The following ZNF729 variants were observed in gnomAD, a reference collection of about 807,000 sequenced individuals.
ZNF729 encodes zinc finger protein 729.
In ZNF729, 15 loss-of-function variants were observed where a neutral mutation model predicts 12.2. That is an observed-to-expected ratio of 1.23 (90% CI 0.82 to 1.89). The LOEUF (loss-of-function observed/expected upper bound fraction) is 1.89, where lower values mean the gene tolerates loss of function less well. Ranked by LOEUF, ZNF729 falls within the 40% of genes most tolerant of loss-of-function variation. ZNF729 has a pLI of 0.00. For missense variants in ZNF729, 1,540 were observed against 1,456.7 expected (o/e 1.06, Z -0.93); for synonymous variants, 492 against 476.3 (o/e 1.03, Z -0.43).
chr19:22,315,815 G>A lies in ZNF729; in HGVS notation c.2398G>A (p.Glu800Lys). 1 of 1,610,868 alleles carries A rather than the reference G, an allele frequency of 6.2e-7. No homozygotes were observed. The highest frequency in any genetic ancestry group is 1.1e-5 in the South Asian group (1 of 91,056). The change falls in exon 4 of 4, where the codon GAA becomes AAA. Residue 800 changes from glutamate (E) to lysine (K), a missense_variant. Transcript: ENST00000601693. ...HTGEKPYKCE[E>K]CGKAFKWSSK... ...TGGAGAGAAACCCTACAAGTGTGAA[G>A]AATGTGGTAAAGCTTTTAAGTGGTC...
chr19:22,293,821 GT>G (rs1968188487), intron 1 of ZNF729, among the ~76,000 whole-genome samples: 1 of 152,076 alleles, frequency 6.6e-6, no homozygotes, highest in Admixed American at 6.6e-5. Context: ...TAAGGAGGTC[GT>G]TTGTTTGTTT....
chr19:22,311,257 T>A (rs1160891525), intron 3 of ZNF729, among the ~76,000 whole-genome samples: 1 of 152,258 alleles, frequency 6.6e-6, no homozygotes, highest in East Asian at 1.9e-4. Flanking sequence ...TTTTTTCTTG[T>A]TTCTCTAGTT....
At chr19:22,292,332 C>T (rs1050881446) in intron 1 of ZNF729, among the ~76,000 whole-genome samples, 54 of 152,186 alleles carry the variant, frequency 3.5e-4, no homozygotes, top group African/African-American at 1.2e-3. Context: ...GGATAATGGT[C>T]TCCAGCTCCA....
At chr19:22,298,524 C>CT (rs1483021907) in intron 1 of ZNF729, among the ~76,000 whole-genome samples, 2 of 151,588 alleles carry the variant, frequency 1.3e-5, no homozygotes, top group African/African-American at 4.9e-5. Context: ...ACAGTGTCTT[C>CT]TTTTTTGAGA....
intron 3 of ZNF729, among the ~76,000 whole-genome samples, chr19:22,305,932 T>A (rs1378811620): frequency 6.6e-6 from 1 of 152,064 alleles, no homozygotes; most frequent in Non-Finnish European, 1.5e-5. Context: ...ACCTCTTAAG[T>A]AGCTGGATTA....
chr19:22,313,050 G>A (rs1452390962), intron 3 of ZNF729, among the ~76,000 whole-genome samples: 3 of 148,694 alleles, frequency 2.0e-5, no homozygotes, highest in Non-Finnish European at 3.0e-5. Context: ...AATAAACCAG[G>A]AGTTGGCAAT....
chr19:22,307,451 A>C (rs1248584252), intron 3 of ZNF729, among the ~76,000 whole-genome samples: 6 of 147,892 alleles, frequency 4.1e-5, no homozygotes. Context: ...GATTAAGAAT[A>C]TTTTTTTTTC....
At chr19:22,288,167 T>A (rs965885676) in intron 1 of ZNF729, among the ~76,000 whole-genome samples, 2 of 152,182 alleles carry the variant, frequency 1.3e-5, no homozygotes, top group Non-Finnish European at 2.9e-5. Flanking sequence ...TTAGTGTACA[T>A]TTTTGATACC....
chr19:22,312,490 C>T (rs77364752), intron 3 of ZNF729, among the ~76,000 whole-genome samples: 3,757 of 131,144 alleles, frequency 0.029, 155 homozygotes, highest in African/African-American at 0.11. Context: ...AGATAAAGAA[C>T]GTTATTCAGG....
chr19:22,306,652 T>G (rs1252809181), intron 3 of ZNF729, among the ~76,000 whole-genome samples: 1 of 151,408 alleles, frequency 6.6e-6, no homozygotes, highest in Non-Finnish European at 1.5e-5. Context: ...GTAAAATATC[T>G]TAAGATTAAA....
In ZNF729 at chr19:22,315,536, A is replaced by G. The variant is rs769472239; in HGVS notation, c.2119A>G (p.Thr707Ala). The change falls in exon 4 of 4, where the codon ACT (threonine) becomes GCT (alanine). Residue 707 changes from threonine (T) to alanine (A), a missense_variant. Physicochemically the swap from Thr to Ala is moderately conservative, Grantham distance 58. Transcript: ENST00000601693. Reference protein sequence around the residue: ...SALRRHKIIHTGEKPYKCEEC... With the variant: ...SALRRHKIIHAGEKPYKCEEC... ...CCTTAGAAGACATAAGATAATTCAT[A>G]CTGGAGAGAAACCCTACAAATGTGA... 314 of 1,611,122 alleles carry G rather than the reference A, an allele frequency of 1.9e-4. 1 individual carries two copies. The highest frequency in any genetic ancestry group is 2.4e-4 in the Non-Finnish European group (282 of 1,179,496).
At chr19:22,313,642 G>C in intron 3 of ZNF729, 29 bp from the exon 4 acceptor site, 1 of 1,429,934 alleles carries the variant, frequency 7.0e-7, no homozygotes, top group Non-Finnish European at 9.1e-7. Flanking sequence ...CTAGCAAGTG[G>C]AATAATTTGT....
Position 22,289,596 on chromosome 19 carries a change from T to A in ZNF729, c.30+3041T>A, listed in dbSNP as rs191913765. ...CTGGTTTGTTTTTTATGGCTGGGTG[T>A]TTTTAAACAATTTCAAGGCTTAACT... On this transcript the variant is annotated intron_variant, in intron 1 of 3. Transcript: ENST00000601693. Among the ~76,000 whole-genome samples, 740 of 152,188 alleles carry A rather than the reference T, an allele frequency of 4.9e-3. 10 individuals carry two copies. The highest frequency in any genetic ancestry group is 0.017 in the African/African-American group (709 of 41,530).
At chr19:22,294,937 A>G (rs1462659564) in intron 1 of ZNF729, among the ~76,000 whole-genome samples, 1 of 151,716 alleles carries the variant, frequency 6.6e-6, no homozygotes, top group African/African-American at 2.4e-5. Flanking sequence ...GATTACAGGC[A>G]TGAGCTACCG....
chr19:22,287,691 C>A (rs748884435), intron 1 of ZNF729, among the ~76,000 whole-genome samples: 1 of 148,450 alleles, frequency 6.7e-6, no homozygotes, highest in Non-Finnish European at 1.5e-5. Context: ...TTTTCCCTTG[C>A]ATTTTTTACA....
At chr19:22,303,262 C>CT (rs1968336671) in intron 1 of ZNF729, among the ~76,000 whole-genome samples, 1 of 150,332 alleles carries the variant, frequency 6.7e-6, no homozygotes, top group Non-Finnish European at 1.5e-5. Context: ...ACAAAAGATT[C>CT]TTTTTTGGGC....
Position 22,314,890 on chromosome 19 carries a change from A to G in ZNF729, c.1473A>G (p.Glu491=). Residue 491 remains glutamate (E), a synonymous_variant, in exon 4 of 4, where the codon GAA becomes GAG. Transcript: ENST00000601693. ...CTGGAGAGAAACCCTACAAATGTGA[A>G]GAATGTGGCAAAGCTTTTAACCATT... ...IHTGEKPYKC[E]ECGKAFNHFS... The G allele has an allele frequency of 1.2e-6, 2 of 1,613,584 alleles. No individual in the cohort carries two copies. Among genetic ancestry groups the G allele is most frequent in the Admixed American group, 3.3e-5 (2 of 60,010 alleles).
chr19:22,292,616 T>C (rs113607924), intron 1 of ZNF729, among the ~76,000 whole-genome samples: 3,339 of 152,112 alleles, frequency 0.022, 109 homozygotes, highest in African/African-American at 0.076. Flanking sequence ...TTTTCTTGTA[T>C]TTTTTGTTGA....
chr19:22,316,498 A>G lies in ZNF729; in HGVS notation c.3081A>G (p.Lys1027=), dbSNP rs1382862981. 1 of 1,613,638 alleles carries G rather than the reference A, an allele frequency of 6.2e-7. No homozygotes were observed. Among genetic ancestry groups the G allele is most frequent in the East Asian group, 2.2e-5 (1 of 44,842 alleles). The change falls in exon 4 of 4, where the codon AAA becomes AAG. Residue 1027 remains lysine, a synonymous_variant. Coordinates refer to ENST00000601693, the MANE Select transcript of ZNF729 (RefSeq NM_001242680.2). ...TGTACAAATGTGAAGAATGTGTCAA[A>G]GCTTTTAACAATTTCTCAGCCCTTA... ...EKLYKCEECV[K]AFNNFSALMK...
Sources: gnomAD v4.1 joint callset for allele counts (sites outside exome capture counted in the v4.1 genomes callset) on GRCh38, gnomAD v4.1.1 for gene constraint, MANE v1.5 for transcripts, NCBI Gene and HGNC (gene_info 2026-07-23, HGNC 2026-07-21) for gene names.